The following LVRN variants were observed in gnomAD, a reference collection of about 807,000 sequenced individuals.
LVRN encodes the protein aminopeptidase Q.
In LVRN, 99 loss-of-function variants were observed where a neutral mutation model predicts 111.4. The ratio of observed to expected loss-of-function variants is 0.89; its 90% confidence interval spans 0.76 to 1.05. LVRN has a LOEUF of 1.05. LVRN is among the 50% of genes least tolerant of loss of function. LVRN has a pLI of 0.00. For missense variants in LVRN, 1,414 were observed against 1,206.8 expected (o/e 1.17, Z -2.54); for synonymous variants, 488 against 449.5 (o/e 1.09, Z -1.08).
chr5:116,005,270 A>T (rs1224536227), intron 12 of LVRN, among the ~76,000 whole-genome samples: 1 of 152,212 alleles, frequency 6.6e-6, no homozygotes, highest in Non-Finnish European at 1.5e-5. Context: ...CAGTGCTGAG[A>T]GGTGCTGAAG....
chr5:115,970,588 T>C (rs1051077512), intron 1 of LVRN, among the ~76,000 whole-genome samples: 2 of 152,098 alleles, frequency 1.3e-5, no homozygotes, highest in Non-Finnish European at 2.9e-5. Flanking sequence ...GGTTTCACCA[T>C]GTTGGCCGAG....
chr5:116,012,475 A>G lies in LVRN; in HGVS notation c.2342+7A>G, dbSNP rs1172365914. The G allele has an allele frequency of 4.7e-6, 7 of 1,486,014 alleles. No individual in the cohort carries two copies. The highest frequency in any genetic ancestry group is 4.0e-5 in the Admixed American group (2 of 49,736). The allele number at this position is 1,486,014 out of a possible 1,614,324, so 92.1% of individuals were successfully genotyped here. ...AAGATGACTACTTAGCTCTGTAAGT[A>G]TGTTTTCAGAAGTGATAATTGAATA... On this transcript the variant is annotated splice_region_variant and intron_variant, in intron 15 of 19. Coordinates refer to ENST00000357872, the MANE Select transcript of LVRN (RefSeq NM_173800.5).
At chr5:115,982,757 G>A (rs1580381423) in intron 1 of LVRN, among the ~76,000 whole-genome samples, 1 of 152,072 alleles carries the variant, frequency 6.6e-6, no homozygotes, top group East Asian at 1.9e-4. Context: ...ATAATTGAAA[G>A]TTGTTTTGTT....
intron 5 of LVRN, 27 bp downstream of exon 5, chr5:115,992,304 T>G (rs1157367342): frequency 6.2e-7 from 1 of 1,612,768 alleles, no homozygotes; most frequent in South Asian, 1.1e-5. Flanking sequence ...TCTTTTTATT[T>G]CACTTGAAGT....
chr5:115,990,114 C>T (rs180846450), intron 4 of LVRN, among the ~76,000 whole-genome samples: 3 of 152,032 alleles, frequency 2.0e-5, no homozygotes, highest in Non-Finnish European at 4.4e-5. Flanking sequence ...GTTCATGTAC[C>T]CCTTATATAG....
intron 1 of LVRN, among the ~76,000 whole-genome samples, chr5:115,969,080 T>G (rs1753264560): frequency 6.6e-6 from 1 of 152,212 alleles, no homozygotes; most frequent in Non-Finnish European, 1.5e-5. Context: ...TCTTCTCCTT[T>G]CAAGAGGTCT....
rs74554820 is a variant in LVRN, at chr5:116,016,326, C to T, written c.2756+561C>T. On this transcript the variant is annotated intron_variant, in intron 18 of 19. Transcript: ENST00000357872. Reference sequence around the variant, plus strand: ...TATACATCTGAATATTTAATTATCACTAATTAAACAGACATATTTGACATG... The same window carrying T: ...TATACATCTGAATATTTAATTATCATTAATTAAACAGACATATTTGACATG... Among the ~76,000 whole-genome samples, 80 of 152,198 alleles carry T rather than the reference C, an allele frequency of 5.3e-4. 1 individual carries two copies. In the East Asian group the frequency reaches 0.013, roughly 25 times the overall value.
In LVRN at chr5:116,014,447, T is replaced by C. The variant is rs746046429; in HGVS notation, c.2370T>C (p.Thr790=). 7 of 1,612,870 alleles carry C rather than the reference T, an allele frequency of 4.3e-6. No homozygotes were observed. The African/African-American group carries it at 9.3e-5, about 22-fold the overall frequency. ...TATCACTGGAAAAACTTTTTGTAACTGCGTGTTGGTTGGGCCTTGAAGACT... is the reference window on the plus strand; with the variant it reads ...TATCACTGGAAAAACTTTTTGTAACCGCGTGTTGGTTGGGCCTTGAAGACT... ...ALISLEKLFV[T]ACWLGLEDCL... Residue 790 remains threonine (T), a synonymous_variant, in exon 16 of 20, where the codon ACT becomes ACC. Transcript: ENST00000357872.
At chr5:116,008,556 G>A (rs1245162824) in intron 13 of LVRN, among the ~76,000 whole-genome samples, 1 of 151,502 alleles carries the variant, frequency 6.6e-6, no homozygotes, top group Non-Finnish European at 1.5e-5. Flanking sequence ...CAAAGGATAA[G>A]TTCTTGAAGG....
chr5:115,996,923 A>T (rs1277853007), intron 6 of LVRN, among the ~76,000 whole-genome samples: 2 of 152,202 alleles, frequency 1.3e-5, no homozygotes, highest in African/African-American at 2.4e-5. Context: ...CATTCAACAG[A>T]TGATAATTGC....
chr5:116,006,009 G>C (rs1307670353), intron 13 of LVRN, 42 bp downstream of exon 13: 2 of 1,468,942 alleles, frequency 1.4e-6, no homozygotes, highest in African/African-American at 1.4e-5. Context: ...AATATACCTT[G>C]AGACCTTTAT....
intron 1 of LVRN, among the ~76,000 whole-genome samples, chr5:115,979,909 G>C (rs1319821318): frequency 6.6e-6 from 1 of 152,166 alleles, no homozygotes; most frequent in East Asian, 1.9e-4. Context: ...TTACTGAGTG[G>C]ATGTAGTAGA....
intron 18 of LVRN, 50 bp downstream of exon 18, chr5:116,015,815 C>T: frequency 1.3e-6 from 2 of 1,598,438 alleles, no homozygotes; most frequent in Non-Finnish European, 1.7e-6. Context: ...TGGTTTGGCA[C>T]TGGAAGCTCA....
At chr5:115,988,563 T>C (rs1367927198) in intron 4 of LVRN, among the ~76,000 whole-genome samples, 2 of 152,216 alleles carry the variant, frequency 1.3e-5, no homozygotes, top group African/African-American at 4.8e-5. Context: ...ATTGAAAGTA[T>C]CATGTAAATG....
At chr5:115,999,341 A>C (rs1748188777) in intron 6 of LVRN, among the ~76,000 whole-genome samples, 1 of 152,156 alleles carries the variant, frequency 6.6e-6, no homozygotes. Flanking sequence ...GAGTTTGTAG[A>C]TCTGGCATGC....
intron 1 of LVRN, among the ~76,000 whole-genome samples, chr5:115,973,150 A>G (rs192615251): frequency 3.8e-4 from 58 of 152,230 alleles, no homozygotes; most frequent in African/African-American, 1.3e-3. Context: ...GGCTGGTCTC[A>G]AACTCCTGAG....
chr5:116,020,536 A>T (rs2560689), intron 18 of LVRN, among the ~76,000 whole-genome samples: 34,868 of 152,182 alleles, frequency 0.23, 4,217 homozygotes, highest in Non-Finnish European at 0.26. Flanking sequence ...ACATGTTATT[A>T]TATAGCCTAA....
chr5:115,984,755 A>G (rs745940592), intron 3 of LVRN, 46 bp downstream of exon 3: 8 of 1,606,736 alleles, frequency 5.0e-6, no homozygotes, highest in Non-Finnish European at 6.8e-6. Flanking sequence ...TACTGGCTGC[A>G]GATTATTCAT....
At chr5:116,006,046 T>A in intron 13 of LVRN, 79 bp downstream of exon 13, 5 of 1,212,762 alleles carry the variant, frequency 4.1e-6, no homozygotes, top group Non-Finnish European at 6.0e-6. Flanking sequence ...TCACTATGAA[T>A]TTGATTATTT....
Sources: gnomAD v4.1 joint callset for allele counts (sites outside exome capture counted in the v4.1 genomes callset) on GRCh38, gnomAD v4.1.1 for gene constraint, MANE v1.5 for transcripts, NCBI Gene and HGNC (gene_info 2026-07-23, HGNC 2026-07-21) for gene names.